CRAT: variants seen among roughly 807,000 people sequenced by gnomAD.
CRAT encodes carnitine O-acetyltransferase.
Under a neutral mutation model 73.7 loss-of-function variants are expected in CRAT, and 66 were observed. The observed-to-expected ratio is 0.90, with a 90% CI of 0.73 to 1.10. The LOEUF (loss-of-function observed/expected upper bound fraction) is 1.10, where lower values mean the gene tolerates loss of function less well. Among genes scored for constraint, CRAT ranks in the 50% least tolerant of loss-of-function variants. The pLI is 0.00. For synonymous variants in CRAT, 321 were observed against 343.2 expected, an observed-to-expected ratio of 0.94 and a Z score of 0.71; for missense variants, 745 against 846.9, an observed-to-expected ratio of 0.88 and a Z score of 1.49.
At chr9:129,097,982 A>G (rs767640529) in intron 11 of CRAT, 31 bp downstream of exon 11, 1 of 1,606,346 alleles carries the variant, frequency 6.2e-7, no homozygotes, top group South Asian at 1.1e-5. Context: ...GCTCAGGCCC[A>G]GCTCACCCAC....
intron 1 of CRAT, chr9:129,108,746 G>C: frequency 7.7e-7 from 1 of 1,304,116 alleles, no homozygotes; most frequent in Non-Finnish European, 1.0e-6. Flanking sequence ...GCGAGTGGCA[G>C]GAGCTCTGTT....
intron 13 of CRAT, among the ~76,000 whole-genome samples, 176 bp from the exon 14 acceptor site, chr9:129,095,788 C>CT (rs1847245277): frequency 6.6e-6 from 1 of 152,246 alleles, no homozygotes; most frequent in Admixed American, 6.5e-5. Context: ...TTCCTTTATA[C>CT]CTGACCAGTG....
At chr9:129,101,240 T>C (rs1847654310) in intron 6 of CRAT, among the ~76,000 whole-genome samples, 1 of 152,202 alleles carries the variant, frequency 6.6e-6, no homozygotes. Flanking sequence ...GCGGGAAACA[T>C]GTCTGCCCAT....
chr9:129,100,022 C>T, intron 7 of CRAT, 56 bp from the exon 8 acceptor site: 1 of 1,425,074 alleles, frequency 7.0e-7, no homozygotes. Flanking sequence ...GGTGGCCCCT[C>T]ACCCAACCAC....
Position 129,097,257 on chromosome 9 carries a change from G to C in CRAT, c.1520C>G (p.Thr507Ser), listed in dbSNP as rs1466817088. Residue 507 changes from threonine to serine, a missense_variant, in exon 12 of 14, where the codon ACC becomes AGC. Coordinates refer to ENST00000318080, the MANE Select transcript of CRAT (RefSeq NM_000755.5). ...RKAVQAHRGY[T>S]DRAIRGEAFD... Reference sequence around the variant, plus strand: ...ACAAGCGGGCTCACTTACCCGGTCGGTGTAGCCTCGGTGGGCCTGCACGGC... The same window carrying C: ...ACAAGCGGGCTCACTTACCCGGTCGCTGTAGCCTCGGTGGGCCTGCACGGC... 6.4e-7 allele frequency: 1 copy of C among 1,561,876 alleles called. No individual in the cohort carries two copies. Among genetic ancestry groups the C allele is most frequent in the Admixed American group, 1.9e-5 (1 of 51,658 alleles).
In CRAT at chr9:129,100,743, A is replaced by G. The variant is rs939945858; in HGVS notation, c.806-54T>C. On this transcript the variant is annotated intron_variant, in intron 6 of 13. Transcript: ENST00000318080. ...AAAATGGGGTCTCATGGTGTGGGAG[A>G]GATGGACCAGCCCCTCCGCAGCCTC... The G allele has an allele frequency of 1.0e-5, 16 of 1,558,776 alleles. No individual in the cohort carries two copies. The Middle Eastern group carries it at 1.2e-3, about 115-fold the overall frequency.
intron 1 of CRAT, chr9:129,109,399 C>G: frequency 1.4e-6 from 1 of 691,748 alleles, no homozygotes; most frequent in Non-Finnish European, 2.2e-6. Flanking sequence ...TCTGAGCCAT[C>G]CCTCTACGAA....
At chr9:129,108,283 T>C (rs1588463797) in intron 1 of CRAT, 6 of 907,310 alleles carry the variant, frequency 6.6e-6, no homozygotes, top group African/African-American at 3.5e-5. Context: ...TGGGGGAGGG[T>C]GGGGTGTGGC....
At chr9:129,102,257 C>A in intron 5 of CRAT, 143 bp downstream of exon 5, 1 of 1,307,218 alleles carries the variant, frequency 7.6e-7, no homozygotes, top group Non-Finnish European at 1.1e-6. Flanking sequence ...CCCTGGGCCC[C>A]CAATGGAGAA....
intron 8 of CRAT, 49 bp from the exon 9 acceptor site, chr9:129,098,699 G>T: frequency 6.4e-7 from 1 of 1,566,720 alleles, no homozygotes. Flanking sequence ...TCTAGAGCCT[G>T]GGTCCATTCT....
In CRAT at chr9:129,107,662, T is replaced by C. The variant is rs1292933615; in HGVS notation, c.291+152A>G. Reference sequence around the variant, plus strand: ...CAAGGAGCTGGTGACTGTGTCCTTCTTGATCACCCAGCACCCTGCCAAGTG... The same window carrying C: ...CAAGGAGCTGGTGACTGTGTCCTTCCTGATCACCCAGCACCCTGCCAAGTG... On this transcript the variant is annotated intron_variant, in intron 2 of 13. Coordinates refer to ENST00000318080, the MANE Select transcript of CRAT (RefSeq NM_000755.5). This position sits in a 1 kb window ranked among gnomAD's most constrained non-coding sequence, Gnocchi z 5.0. 5.6e-6 allele frequency: 6 copies of C among 1,069,752 alleles called. No individual in the cohort carries two copies. The highest frequency in any genetic ancestry group is 8.5e-6 in the Non-Finnish European group (6 of 705,884). 66.3% of individuals were successfully genotyped at this position (1,069,752 alleles called of 1,614,324 possible). A position where few individuals can be genotyped will look rare whatever the true frequency, so the allele number is the denominator to read the frequency against.
At chr9:129,109,549 C>T (rs969675935) in intron 1 of CRAT, among the ~76,000 whole-genome samples, 3 of 152,226 alleles carry the variant, frequency 2.0e-5, no homozygotes, top group Non-Finnish European at 4.4e-5. Context: ...GCAAGTCCCT[C>T]CTTGCCTCAG....
rs752293902 is a variant in CRAT at position 129,095,532 on chromosome 9, C to T, written c.1746G>A (p.Glu582=). Residue 582 remains glutamate, a synonymous_variant, in exon 14 of 14, where the codon GAG becomes GAA. Transcript: ENST00000318080. ...CCGACAGGGAGAAGTTGATGTGGGC[C>T]TCCATGGGGTTATAGCAGACACCGT... The part of the protein sequence containing the change: ...DGYGVCYNPM[E]AHINFSLSAY... The T allele has an allele frequency of 2.5e-6, 4 of 1,613,538 alleles. No individual in the cohort carries two copies. Among genetic ancestry groups the T allele is most frequent in the South Asian group, 1.1e-5 (1 of 91,090 alleles).
At chr9:129,098,440 G>A in intron 9 of CRAT, 69 bp from the exon 10 acceptor site, 1 of 1,599,472 alleles carries the variant, frequency 6.3e-7, no homozygotes, top group Non-Finnish European at 8.5e-7. Flanking sequence ...GGAGGGTCTG[G>A]GTGTCATGAC....
intron 1 of CRAT, among the ~76,000 whole-genome samples, chr9:129,109,904 G>A (rs1453041178): frequency 1.3e-5 from 2 of 150,224 alleles, no homozygotes; most frequent in East Asian, 2.0e-4. Flanking sequence ...TAGCCAGGGT[G>A]GGGAAGGGGG....
At position 129,099,853 on chromosome 9, in the gene CRAT, T is replaced by G. The variant is rs1356398622; in HGVS notation, c.1085+13A>C. 6.3e-7 allele frequency: 1 copy of G among 1,599,680 alleles called. No individual in the cohort carries two copies. Among genetic ancestry groups the G allele is most frequent in the Non-Finnish European group, 8.6e-7 (1 of 1,168,404 alleles). Reference sequence around the variant, plus strand: ...AAGCTGGGGAACTAGGCGAGAGATGTGACTGTACTCACGTGTACTCGATGA... The same window carrying G: ...AAGCTGGGGAACTAGGCGAGAGATGGGACTGTACTCACGTGTACTCGATGA... On this transcript the variant is annotated intron_variant, in intron 8 of 13. Coordinates refer to ENST00000318080, the MANE Select transcript of CRAT (RefSeq NM_000755.5).
At chr9:129,104,792 G>T (rs572319334) in intron 2 of CRAT, among the ~76,000 whole-genome samples, 15 of 151,684 alleles carry the variant, frequency 9.9e-5, no homozygotes, top group South Asian at 2.1e-4. Context: ...TTTTAGTAGA[G>T]ACGGGGTTTC....
rs17508689 is a variant in CRAT, at chr9:129,106,816, T to C, written c.291+998A>G. On this transcript the variant is annotated intron_variant, in intron 2 of 13. Coordinates refer to ENST00000318080, the MANE Select transcript of CRAT (RefSeq NM_000755.5). The surrounding 1 kb of genome is among the most constrained non-coding windows in gnomAD (Gnocchi z 4.0). ...GGACCCGCTCTGGCTCTCCCACAGGTAGCTTCTCTCTCAGGCAACCCCGAC... is the reference window on the plus strand; with the variant it reads ...GGACCCGCTCTGGCTCTCCCACAGGCAGCTTCTCTCTCAGGCAACCCCGAC... Among the ~76,000 whole-genome samples the C allele has an allele frequency of 0.042, 6,385 of 151,764 alleles. 460 individuals are homozygous for C. Among genetic ancestry groups the C allele is most frequent in the African/African-American group, 0.15 (6,090 of 41,296 alleles).
At chr9:129,097,963 G>C (rs775452978) in intron 11 of CRAT, 50 bp downstream of exon 11, 2 of 1,598,326 alleles carry the variant, frequency 1.3e-6, no homozygotes, top group East Asian at 4.5e-5. Flanking sequence ...GAGTGAGCAG[G>C]AGGGAGGGGC....
Sources: gnomAD v4.1 joint callset for allele counts (sites outside exome capture counted in the v4.1 genomes callset) on GRCh38, gnomAD v4.1.1 for gene constraint, Gnocchi (gnomAD v3.1) non-coding constraint, MANE v1.5 for transcripts, NCBI Gene and HGNC (gene_info 2026-07-23, HGNC 2026-07-21) for gene names.